The following NOS1 variants were observed in gnomAD, a reference collection of about 807,000 sequenced individuals.
NOS1 encodes the protein nitric oxide synthase 1, also known as NOS type I.
NOS1 carries 51 observed loss-of-function variants against 164.5 expected under a neutral mutation model. The observed-to-expected ratio is 0.31, with a 90% CI of 0.25 to 0.39. NOS1 has a LOEUF of 0.39. Among genes scored for constraint, NOS1 ranks in the 10% least tolerant of loss-of-function variants. The pLI, the probability that NOS1 is intolerant of heterozygous loss-of-function variation, is 1.00. For missense variants in NOS1, 1,362 were observed against 1,885.6 expected (o/e 0.72, Z 5.14); for synonymous variants, 719 against 745.8 (o/e 0.96, Z 0.59).
At chr12:117,241,751 C>G (rs563159396) in intron 20 of NOS1, among the ~76,000 whole-genome samples, 2 of 152,332 alleles carry the variant, frequency 1.3e-5, no homozygotes, top group South Asian at 4.1e-4. Context: ...AATGGAAGAG[C>G]AGAACGGCCA....
chr12:117,330,511 G>A lies in NOS1; in HGVS notation c.559C>T (p.Pro187Ser), dbSNP rs200282713. 228 of 1,613,964 alleles carry A rather than the reference G, an allele frequency of 1.4e-4. No homozygotes were observed. Among genetic ancestry groups the A allele is most frequent in the Non-Finnish European group, 5.3e-5 (63 of 1,180,052 alleles). The change falls in exon 2 of 29, where the codon CCC becomes TCC. Residue 187 changes from proline (P) to serine (S), a missense_variant. Coordinates refer to ENST00000317775, the MANE Select transcript of NOS1 (RefSeq NM_000620.5). This position sits in a 1 kb window ranked among gnomAD's most constrained non-coding sequence, Gnocchi z 4.6. ...GLAPRPPGQDPAKKATRVSLQ... is the reference protein window; with the variant it reads ...GLAPRPPGQDSAKKATRVSLQ... Reference sequence around the variant, plus strand: ...CTGACTCTGGTTGCTTTCTTCGCGGGGTCCTGGCCTGGGGGCCTGGGGGCC... The same window carrying A: ...CTGACTCTGGTTGCTTTCTTCGCGGAGTCCTGGCCTGGGGGCCTGGGGGCC...
intron 22 of NOS1, among the ~76,000 whole-genome samples, chr12:117,227,987 T>C (rs565446931): frequency 2.0e-5 from 3 of 151,226 alleles, no homozygotes; most frequent in Non-Finnish European, 4.4e-5. Context: ...GCTATGATCA[T>C]GCCACTGCAC....
Position 117,260,449 on chromosome 12 carries a change from G to GCTA in NOS1, c.2367+13_2367+15dup. ...ACCATGAGAAGCTGGTGGAGCTAGG[G>GCTA]CTACCCCCCACCTACCTTGGCATCA... On this transcript the variant is annotated intron_variant, in intron 14 of 28. Coordinates refer to ENST00000317775, the MANE Select transcript of NOS1 (RefSeq NM_000620.5). The GCTA allele has an allele frequency of 6.2e-7, 1 of 1,612,152 alleles. No individual in the cohort carries two copies. Among genetic ancestry groups the GCTA allele is most frequent in the Non-Finnish European group, 8.5e-7 (1 of 1,178,406 alleles).
rs528310914 is a variant in NOS1 at position 117,267,880 on chromosome 12, G to A, written c.1941+163C>T. Reference sequence around the variant, plus strand: ...ATGGTCCCCACCCAAGATCCACACTGGAGAGGAGGGCATGCAGGATGGAAG... The same window carrying A: ...ATGGTCCCCACCCAAGATCCACACTAGAGAGGAGGGCATGCAGGATGGAAG... On this transcript the variant is annotated intron_variant, in intron 11 of 28. Transcript: ENST00000317775. Among the ~76,000 whole-genome samples the A allele has an allele frequency of 1.1e-3, 162 of 152,304 alleles. 1 individual carries two copies. Among genetic ancestry groups the A allele is most frequent in the Middle Eastern group, 3.4e-3 (1 of 294 alleles).
Position 117,272,163 on chromosome 12 carries a change from C to T in NOS1, c.1839+222G>A, listed in dbSNP as rs1872834195. Among the ~76,000 whole-genome samples the T allele has an allele frequency of 6.6e-6, 1 of 152,174 alleles. No homozygotes were observed. Among genetic ancestry groups the T allele is most frequent in the African/African-American group, 2.4e-5 (1 of 41,444 alleles). ...GAACACAGCAACAGTGCTTCGGATG[C>T]TGTTAGCACGTGCTATGTGCTATGT... On this transcript the variant is annotated intron_variant, in intron 10 of 28. Coordinates refer to ENST00000317775, the MANE Select transcript of NOS1 (RefSeq NM_000620.5). This position sits in a 1 kb window ranked among gnomAD's most constrained non-coding sequence, Gnocchi z 4.3.
chr12:117,287,272 T>G (rs1345487440), intron 5 of NOS1, among the ~76,000 whole-genome samples: 1 of 152,202 alleles, frequency 6.6e-6, no homozygotes, highest in African/African-American at 2.4e-5. Flanking sequence ...TGTATCCTTT[T>G]ACAATTTATC....
chr12:117,282,087 ATGT>A (rs1873721055), intron 7 of NOS1, among the ~76,000 whole-genome samples: 1 of 152,236 alleles, frequency 6.6e-6, no homozygotes, highest in East Asian at 1.9e-4. Flanking sequence ...TTGTGGAAAG[ATGT>A]TGTCTGCTGA....
chr12:117,229,077 G>A (rs1056304394), intron 22 of NOS1, among the ~76,000 whole-genome samples: 9 of 152,178 alleles, frequency 5.9e-5, no homozygotes, highest in Non-Finnish European at 1.0e-4. Flanking sequence ...CACTGCGACC[G>A]GCCTGTTCTG....
In NOS1 at chr12:117,227,396, G is replaced by T. The variant is rs751958802; in HGVS notation, c.3616+35C>A. 2.5e-6 allele frequency: 4 copies of T among 1,604,146 alleles called. No individual in the cohort carries two copies. The South Asian group carries it at 4.4e-5, about 18-fold the overall frequency. ...CTCCAGAGGCCCCTTGGGGGAAAATGCAGCTGAGGAGGCTCTCCCAGTGCC... is the reference window on the plus strand; with the variant it reads ...CTCCAGAGGCCCCTTGGGGGAAAATTCAGCTGAGGAGGCTCTCCCAGTGCC... On this transcript the variant is annotated intron_variant, in intron 23 of 28. Transcript: ENST00000317775.
Position 117,239,459 on chromosome 12 carries a change from T to C in NOS1, c.3041+3168A>G, listed in dbSNP as rs2135949987. Among the ~76,000 whole-genome samples, 2 of 152,376 alleles carry C rather than the reference T, an allele frequency of 1.3e-5. 1 individual carries two copies. The highest frequency in any genetic ancestry group is 1.3e-4 in the Admixed American group (2 of 15,308). On this transcript the variant is annotated intron_variant, in intron 20 of 28. Transcript: ENST00000317775. The stretch of plus-strand genomic sequence containing the variant: ...CTTCTGTGTCGTTTGCTAATTGTTG[T>C]ACGTGCATTAGAAAATTTATTTCCA...
At chr12:117,258,514 G>A (rs1199613036) in intron 15 of NOS1, 59 bp from the exon 16 acceptor site, 20 of 1,542,730 alleles carry the variant, frequency 1.3e-5, no homozygotes, top group East Asian at 6.8e-5. Context: ...AAATCAGGTC[G>A]GATACTGAGG....
intron 7 of NOS1, among the ~76,000 whole-genome samples, chr12:117,282,606 T>C (rs3782203): frequency 0.82 from 125,102 of 152,172 alleles, 51,514 homozygotes; most frequent in African/African-American, 0.87. Context: ...AGCATGTAAT[T>C]CTGCTGGGGT....
In NOS1 at chr12:117,247,629, C is replaced by T. The variant is rs1028108213; in HGVS notation, c.2649-107G>A. Reference sequence around the variant, plus strand: ...TCCCCCCAAATTTCATATATTAAAACTCTAATCTCCTCACAATTGTATTTT... The same window carrying T: ...TCCCCCCAAATTTCATATATTAAAATTCTAATCTCCTCACAATTGTATTTT... On this transcript the variant is annotated intron_variant, in intron 17 of 28. Coordinates refer to ENST00000317775, the MANE Select transcript of NOS1 (RefSeq NM_000620.5). 6 of 912,648 alleles carry T rather than the reference C, an allele frequency of 6.6e-6. No homozygotes were observed. The African/African-American group carries it at 8.5e-5, about 13-fold the overall frequency. 56.5% of individuals were successfully genotyped at this position (912,648 alleles called of 1,614,324 possible).
Position 117,214,119 on chromosome 12 carries a change from C to G in NOS1, c.*1190G>C. 1 of 985,460 alleles carries G rather than the reference C, an allele frequency of 1.0e-6. No homozygotes were observed. The highest frequency in any genetic ancestry group is 1.2e-6 in the Non-Finnish European group (1 of 829,942). The allele number at this position is 985,460 out of a possible 1,614,324, so 61.0% of individuals were successfully genotyped here. On this transcript the variant is annotated 3_prime_UTR_variant, in exon 29 of 29. Transcript: ENST00000317775. ...CACGTGGGACCTCATTATGGCAACTCTTTCCAACCTCATCCACTTTAACCA... is the reference window on the plus strand; with the variant it reads ...CACGTGGGACCTCATTATGGCAACTGTTTCCAACCTCATCCACTTTAACCA...
rs901588082 is a variant in NOS1 at position 117,212,602 on chromosome 12, T to C, written c.*2707A>G. The C allele has an allele frequency of 1.0e-6, 1 of 985,288 alleles. No homozygotes were observed. Among genetic ancestry groups the C allele is most frequent in the African/African-American group, 1.7e-5 (1 of 57,242 alleles). 61.0% of individuals were successfully genotyped at this position (985,288 alleles called of 1,614,324 possible). On this transcript the variant is annotated 3_prime_UTR_variant, in exon 29 of 29. Coordinates refer to ENST00000317775, the MANE Select transcript of NOS1 (RefSeq NM_000620.5). ...CCTGGCCAAACTCACTTTTGTGAAA[T>C]GGGGCTGGAGCTGCTACTGGTCAAT...
rs529118337 is a variant in NOS1, at chr12:117,291,332, C to T, written c.853-906G>A. 4.3e-4 allele frequency among the ~76,000 whole-genome samples: 65 copies of T among 152,252 alleles called. 1 individual carries two copies. Among genetic ancestry groups the T allele is most frequent in the African/African-American group, 1.5e-3 (62 of 41,546 alleles). On this transcript the variant is annotated intron_variant, in intron 3 of 28. Transcript: ENST00000317775. ...TCCAGGCTTGTTCCTGCCTCAGGGC[C>T]TTTGCACTTACCGTCCCCTCTGTCT...
Position 117,288,121 on chromosome 12 carries a change from G to T in NOS1, c.1080C>A (p.Phe360Leu). 6.2e-7 allele frequency: 1 copy of T among 1,614,204 alleles called. No individual in the cohort carries two copies. Among genetic ancestry groups the T allele is most frequent in the Non-Finnish European group, 8.5e-7 (1 of 1,180,032 alleles). Residue 360 changes from phenylalanine to leucine, a missense_variant, in exon 5 of 29, where the codon TTC becomes TTA. Physicochemically the swap from Phe to Leu is conservative, Grantham distance 22 (BLOSUM62 0). Around this residue, in one of 4 missense-constraint regions of NOS1, gnomAD observed 129 missense variants for 186.0 expected, o/e 0.69. Coordinates refer to ENST00000317775, the MANE Select transcript of NOS1 (RefSeq NM_000620.5). The part of the protein sequence containing the change: ...PEDVRTKGQL[F>L]PLAKEFIDQY... Reference sequence around the variant, plus strand: ...GATCAATAAACTCTTTGGCGAGAGGGAAGAGCTGTCCTTTTGTGCGGACGT... The same window carrying T: ...GATCAATAAACTCTTTGGCGAGAGGTAAGAGCTGTCCTTTTGTGCGGACGT...
chr12:117,328,279 T>C (rs1875354475), intron 2 of NOS1, among the ~76,000 whole-genome samples: 1 of 152,088 alleles, frequency 6.6e-6, no homozygotes, highest in Non-Finnish European at 1.5e-5. Context: ...CAAGCTATTC[T>C]CCTGGCTTAG....
chr12:117,285,186 A>G (rs1874017148), intron 7 of NOS1, 55 bp downstream of exon 7: 1 of 1,247,300 alleles, frequency 8.0e-7, no homozygotes, highest in African/African-American at 1.5e-5. Context: ...GTCAAAGTAC[A>G]ATGCTGTGGG....
Sources: gnomAD v4.1 joint callset for allele counts (sites outside exome capture counted in the v4.1 genomes callset) on GRCh38, gnomAD v4.1.1 for gene constraint, gnomAD v4.1.1 regional missense constraint, Gnocchi (gnomAD v3.1) non-coding constraint, MANE v1.5 for transcripts, NCBI Gene and HGNC (gene_info 2026-07-23, HGNC 2026-07-21) for gene names.